PCDHA1: variants seen among roughly 807,000 people sequenced by gnomAD.
PCDHA1 encodes protocadherin alpha-1.
A neutral mutation model predicts 61.3 loss-of-function variants in PCDHA1; 42 were observed. The ratio of observed to expected loss-of-function variants is 0.69; its 90% CI spans 0.54 to 0.89. The LOEUF is 0.89. PCDHA1 is among the 40% of genes least tolerant of loss of function. The pLI is 0.00. For missense variants in PCDHA1, 1,256 were observed against 1,235.3 expected (o/e 1.02, Z -0.25); for synonymous variants, 610 against 553.8 (o/e 1.10, Z -1.43).
rs1333362831 is a variant in PCDHA1 at position 140,976,454 on chromosome 5, GGAA to G, written c.2395-2488_2395-2486del. Among the ~76,000 whole-genome samples, 4 of 152,214 alleles carry G rather than the reference GGAA, an allele frequency of 2.6e-5. No individual in the cohort carries two copies. The East Asian group carries it at 7.7e-4, about 29-fold the overall frequency. On this transcript the variant is annotated intron_variant, in intron 1 of 3. Transcript: ENST00000504120. Reference sequence around the variant, plus strand: ...TAATCCCAGCTACTAGGGAGGCTGGGGAAGAAGAATTGCTTGAATCCGGGAGGC... The same window carrying G: ...TAATCCCAGCTACTAGGGAGGCTGGGGAAGAATTGCTTGAATCCGGGAGGC...
rs781852534 is a variant in PCDHA1, at chr5:140,982,552, G to T, written c.2531G>T (p.Ser844Ile). 1 of 1,614,168 alleles carries T rather than the reference G, an allele frequency of 6.2e-7. No individual in the cohort carries two copies. The highest frequency in any genetic ancestry group is 2.2e-5 in the East Asian group (1 of 44,892). ...GATCAGCAGTGGCCAACAGTATCCAGTGCAACACCAGGTAAAGAGCTGGGG... is the reference window on the plus strand; with the variant it reads ...GATCAGCAGTGGCCAACAGTATCCATTGCAACACCAGGTAAAGAGCTGGGG... The part of the protein sequence containing the change: ...GPDQQWPTVS[S>I]ATPEPEAGEV... Residue 844 changes from serine (S) to isoleucine (I), a missense_variant, in exon 3 of 4, where the codon AGT (serine) becomes ATT (isoleucine). Physicochemically the swap from Ser to Ile is moderately radical, Grantham distance 142. Coordinates refer to ENST00000504120, the MANE Select transcript of PCDHA1 (RefSeq NM_018900.4).
At chr5:140,961,690 C>T (rs573918307) in intron 1 of PCDHA1, among the ~76,000 whole-genome samples, 2 of 152,154 alleles carry the variant, frequency 1.3e-5, no homozygotes, top group African/African-American at 4.8e-5. Context: ...CGGAGTAGTC[C>T]TTAGTATGAA....
At chr5:140,942,351 G>GCAGTTAA (rs1563195355) in intron 1 of PCDHA1, among the ~76,000 whole-genome samples, 1 of 152,024 alleles carries the variant, frequency 6.6e-6, no homozygotes. Context: ...GGCGGAGGTT[G>GCAGTTAA]CAGTTAACGG....
chr5:140,787,754 G>A lies in PCDHA1; in HGVS notation c.1464G>A (p.Ala488=). ...GGGACGCGGACGCGCAGGAGAACGC[G>A]CTGGTGTCCTATTCGCTGGTGGAAC... ...SARDADAQEN[A]LVSYSLVERR... is the part of the protein sequence containing the mutation. Residue 488 remains alanine (A), a synonymous_variant, in exon 1 of 4, where the codon GCG becomes GCA. Transcript: ENST00000504120. 6.2e-7 allele frequency: 1 copy of A among 1,613,348 alleles called. No individual in the cohort carries two copies. The highest frequency in any genetic ancestry group is 8.5e-7 in the Non-Finnish European group (1 of 1,179,846).
intron 1 of PCDHA1, among the ~76,000 whole-genome samples, chr5:140,926,178 GC>G (rs1221259064): frequency 6.6e-6 from 1 of 151,700 alleles, no homozygotes; most frequent in South Asian, 2.2e-4. Flanking sequence ...AGCGCGGAAA[GC>G]CCCCCGCAGC....
chr5:141,000,387 C>CTA (rs2097910380), intron 3 of PCDHA1, among the ~76,000 whole-genome samples: 5 of 66,898 alleles, frequency 7.5e-5, no homozygotes, highest in Non-Finnish European at 1.1e-4. Context: ...CTCTCTCTCT[C>CTA]TCTCTCTCTA....
At chr5:140,969,514 G>T (rs2096339995) in intron 1 of PCDHA1, 3 of 1,414,044 alleles carry the variant, frequency 2.1e-6, no homozygotes, top group Admixed American at 2.8e-5. Flanking sequence ...TAGCACTAAA[G>T]AATTGTTTTA....
At position 140,924,716 on chromosome 5, in the gene PCDHA1, G is replaced by A. The variant is rs534222527; in HGVS notation, c.2395-54233G>A. On this transcript the variant is annotated intron_variant, in intron 1 of 3. Coordinates refer to ENST00000504120, the MANE Select transcript of PCDHA1 (RefSeq NM_018900.4). The stretch of plus-strand genomic sequence containing the variant: ...TCGAGACCAGCTTGTGCAACATGGC[G>A]AAACCTCACCTCTAATAAAAATACA... Among the ~76,000 whole-genome samples, 5 of 151,980 alleles carry A rather than the reference G, an allele frequency of 3.3e-5. No homozygotes were observed. The South Asian group carries it at 1.0e-3, about 32-fold the overall frequency.
At chr5:140,941,651 T>C (rs2093139674) in intron 1 of PCDHA1, among the ~76,000 whole-genome samples, 3 of 152,120 alleles carry the variant, frequency 2.0e-5, no homozygotes, top group Admixed American at 6.6e-5. Context: ...CTACAACTTA[T>C]GTCCAATTTT....
intron 1 of PCDHA1, among the ~76,000 whole-genome samples, chr5:140,933,345 A>G (rs1257404732): frequency 6.6e-6 from 1 of 151,960 alleles, no homozygotes; most frequent in Non-Finnish European, 1.5e-5. Flanking sequence ...AAAGATAAAC[A>G]CTTTATTTCT....
intron 1 of PCDHA1, among the ~76,000 whole-genome samples, chr5:140,918,467 C>T (rs2078709178): frequency 6.6e-6 from 1 of 152,006 alleles, no homozygotes; most frequent in Non-Finnish European, 1.5e-5. Context: ...TGTCTTATTC[C>T]AAGTCTCAAG....
intron 1 of PCDHA1, among the ~76,000 whole-genome samples, chr5:140,960,837 G>A (rs1554225051): frequency 6.6e-6 from 1 of 151,456 alleles, no homozygotes; most frequent in African/African-American, 2.5e-5. Flanking sequence ...ACTTGGAACA[G>A]GTTTAATGGC....
intron 1 of PCDHA1, among the ~76,000 whole-genome samples, chr5:140,892,032 T>C (rs1329804086): frequency 6.6e-6 from 1 of 152,222 alleles, no homozygotes; most frequent in African/African-American, 2.4e-5. Context: ...TCTAAGATAC[T>C]TTTATTTATT....
chr5:140,921,694 A>G (rs1251407999), intron 1 of PCDHA1, among the ~76,000 whole-genome samples: 1 of 152,200 alleles, frequency 6.6e-6, no homozygotes, highest in Non-Finnish European at 1.5e-5. Context: ...TGGCCACCTC[A>G]ATTTTAAACA....
chr5:140,928,974 A>G (rs772759035), intron 1 of PCDHA1: 2 of 1,613,574 alleles, frequency 1.2e-6, no homozygotes, highest in Non-Finnish European at 1.7e-6. Flanking sequence ...TTTCCTTTTT[A>G]TTTCTGGGGT....
At chr5:140,882,072 T>C in intron 1 of PCDHA1, 2 of 861,580 alleles carry the variant, frequency 2.3e-6, no homozygotes, top group South Asian at 1.9e-5. Context: ...TTCATGCGCA[T>C]GGTGTCGCTC....
At chr5:140,798,024 T>G (rs907698427) in intron 1 of PCDHA1, among the ~76,000 whole-genome samples, 11 of 152,084 alleles carry the variant, frequency 7.2e-5, no homozygotes, top group Non-Finnish European at 1.6e-4. Flanking sequence ...GGCTATTTTC[T>G]TTTTTAAATT....
chr5:140,959,753 T>C (rs1479386012), intron 1 of PCDHA1, among the ~76,000 whole-genome samples: 1 of 152,226 alleles, frequency 6.6e-6, no homozygotes. Context: ...TTAAAGTATA[T>C]TTTAATATTC....
At chr5:140,797,057 T>C in intron 1 of PCDHA1, 7 of 1,613,766 alleles carry the variant, frequency 4.3e-6, no homozygotes, top group Non-Finnish European at 5.9e-6. Flanking sequence ...GATGTCAACG[T>C]GTACCTGATC....
Sources: gnomAD v4.1 joint callset for allele counts (sites outside exome capture counted in the v4.1 genomes callset) on GRCh38, gnomAD v4.1.1 for gene constraint, MANE v1.5 for transcripts, NCBI Gene and HGNC (gene_info 2026-07-23, HGNC 2026-07-21) for gene names.